SKIC3: variants seen among roughly 807,000 people sequenced by gnomAD.
SKIC3 encodes SKI3 subunit of superkiller complex, also known as superkiller complex protein 3.
At chr5:95,468,259 C>T in the SKIC3 span, among the ~76,000 whole-genome samples, 1 of 152,064 alleles carries the variant, frequency 6.6e-6, no homozygotes, top group African/African-American at 2.4e-5. Context: ...TCCTATATGG[C>T]AGAGAAGTAA....
chr5:95,514,798 A>G, the SKIC3 span: 1 of 1,556,868 alleles, frequency 6.4e-7, no homozygotes, highest in Non-Finnish European at 8.8e-7. Context: ...TGTTATGCAT[A>G]TTAGTCAGTT....
chr5:95,527,460 G>C, the SKIC3 span, among the ~76,000 whole-genome samples: 5 of 152,042 alleles, frequency 3.3e-5, no homozygotes, highest in African/African-American at 9.7e-5. Context: ...TTTTAATTTA[G>C]ACCAGTAATA....
the SKIC3 span, chr5:95,502,754 G>T: frequency 1.7e-6 from 2 of 1,160,608 alleles, no homozygotes; most frequent in Non-Finnish European, 2.5e-6. Context: ...TTCAGAACCA[G>T]GTGGGCCCAA....
the SKIC3 span, among the ~76,000 whole-genome samples, chr5:95,472,934 TG>T: frequency 3.3e-5 from 5 of 152,188 alleles, no homozygotes; most frequent in African/African-American, 1.2e-4. Context: ...AAGGGGGACA[TG>T]ATTTCGTTCT....
At chr5:95,468,943 T>C in the SKIC3 span, among the ~76,000 whole-genome samples, 1 of 152,184 alleles carries the variant, frequency 6.6e-6, no homozygotes, top group African/African-American at 2.4e-5. Context: ...CACATAAAAA[T>C]GGCCCCAAAT....
At chr5:95,525,529 T>C in the SKIC3 span, 26 of 1,613,686 alleles carry the variant, frequency 1.6e-5, no homozygotes, top group Admixed American at 2.8e-4. Context: ...GTCAATTCTA[T>C]AGCCAAATAA....
At chr5:95,483,774 T>C in the SKIC3 span, among the ~76,000 whole-genome samples, 2 of 152,190 alleles carry the variant, frequency 1.3e-5, no homozygotes, top group African/African-American at 4.8e-5. Context: ...TAAATATTTA[T>C]TGAGCCCCTA....
At chr5:95,520,513 T>C in the SKIC3 span, among the ~76,000 whole-genome samples, 2 of 147,186 alleles carry the variant, frequency 1.4e-5, no homozygotes, top group Admixed American at 1.4e-4. Flanking sequence ...CAGCCACTAC[T>C]AAGAGCAGAA....
the SKIC3 span, chr5:95,498,333 T>C: frequency 1.9e-6 from 3 of 1,577,602 alleles, no homozygotes; most frequent in East Asian, 4.5e-5. Flanking sequence ...CCATATCAAG[T>C]ATAATTAGGT....
the SKIC3 span, chr5:95,516,601 ACC>A: frequency 8.7e-6 from 14 of 1,613,228 alleles, no homozygotes; most frequent in Non-Finnish European, 1.2e-5. Context: ...AAAATACAAA[ACC>A]TGATGAAACT....
chr5:95,516,812 T>A, the SKIC3 span: 12 of 1,581,744 alleles, frequency 7.6e-6, no homozygotes, highest in Admixed American at 1.7e-5. Context: ...TATATCAAGA[T>A]ATATGTGGTT....
chr5:95,534,175 A>G, the SKIC3 span, among the ~76,000 whole-genome samples: 1 of 151,946 alleles, frequency 6.6e-6, no homozygotes, highest in Non-Finnish European at 1.5e-5. Flanking sequence ...TTAAAATTGG[A>G]AGGATCTGGG....
the SKIC3 span, chr5:95,498,354 CA>C: frequency 1.2e-6 from 2 of 1,613,544 alleles, no homozygotes; most frequent in South Asian, 2.2e-5. Context: ...TCCAGGTTCA[CA>C]AATACAGAAT....
the SKIC3 span, among the ~76,000 whole-genome samples, chr5:95,499,504 G>A: frequency 6.6e-6 from 1 of 152,094 alleles, no homozygotes; most frequent in African/African-American, 2.4e-5. Context: ...AAATTACCCA[G>A]TCTCAGGTAT....
the SKIC3 span, among the ~76,000 whole-genome samples, chr5:95,530,791 C>T: frequency 6.6e-6 from 1 of 152,140 alleles, no homozygotes; most frequent in Non-Finnish European, 1.5e-5. Context: ...AATTGTGACA[C>T]TTATGAGATA....
At chr5:95,477,324 A>C in the SKIC3 span, among the ~76,000 whole-genome samples, 1 of 152,194 alleles carries the variant, frequency 6.6e-6, no homozygotes, top group South Asian at 2.1e-4. Context: ...AGAATCTCTT[A>C]AATGTGCTCT....
the SKIC3 span, among the ~76,000 whole-genome samples, chr5:95,504,681 A>G: frequency 1.3e-5 from 2 of 151,946 alleles, no homozygotes; most frequent in Non-Finnish European, 2.9e-5. Flanking sequence ...AAATTCCACA[A>G]ACAAAATATT....
the SKIC3 span, among the ~76,000 whole-genome samples, chr5:95,540,349 A>G: frequency 2.9e-3 from 444 of 152,192 alleles, 2 homozygotes; most frequent in Non-Finnish European, 5.2e-3. Context: ...AATTGGGTTC[A>G]GTGTACACTA....
the SKIC3 span, chr5:95,484,644 G>A: frequency 6.3e-7 from 1 of 1,595,648 alleles, no homozygotes; most frequent in South Asian, 1.1e-5. Flanking sequence ...ACCGCATCTA[G>A]CCTCATACAT....
Sources: allele counts gnomAD v4.1 joint callset (sites outside exome capture counted in the v4.1 genomes callset), GRCh38; gene constraint gnomAD v4.1.1; transcripts MANE v1.5; gene names NCBI Gene and HGNC (gene_info 2026-07-23, HGNC 2026-07-21).